The following DOCK3 variants were observed in gnomAD, a reference collection of about 807,000 sequenced individuals.
DOCK3 encodes the protein dedicator of cytokinesis 3.
Under a neutral mutation model 265.6 loss-of-function variants are expected in DOCK3, and 60 were observed. That is an observed-to-expected ratio of 0.23 (90% confidence interval 0.18 to 0.28). DOCK3 has a LOEUF of 0.28. Ranked by LOEUF, DOCK3 falls within the 10% of genes least tolerant of loss-of-function variation. The probability of loss-of-function intolerance (pLI) is 1.00; values close to 1 mark genes in which losing one functional copy is unlikely to be tolerated. For missense variants in DOCK3, 1,981 were observed against 2,594.3 expected (o/e 0.76, Z 5.14); for synonymous variants, 881 against 938.0 (o/e 0.94, Z 1.11).
chr3:51,272,944 C>T (rs185417702), intron 24 of DOCK3, among the ~76,000 whole-genome samples: 22 of 152,130 alleles, frequency 1.4e-4, no homozygotes, highest in African/African-American at 4.3e-4. Flanking sequence ...GTGTGTGGAT[C>T]ATGACATCAG....
intron 49 of DOCK3, among the ~76,000 whole-genome samples, chr3:51,365,261 G>T (rs1560511456): frequency 2.0e-5 from 3 of 152,184 alleles, no homozygotes; most frequent in Non-Finnish European, 4.4e-5. Context: ...GTGAATGGGA[G>T]TTCACTCCTG....
At chr3:51,125,762 A>C (rs1048386403) in intron 9 of DOCK3, among the ~76,000 whole-genome samples, 7 of 152,308 alleles carry the variant, frequency 4.6e-5, no homozygotes, top group African/African-American at 1.7e-4. Flanking sequence ...ACAGAGAAAA[A>C]CTTGTATAGT....
intron 1 of DOCK3, among the ~76,000 whole-genome samples, chr3:50,742,571 C>A (rs965030808): frequency 6.6e-6 from 1 of 151,804 alleles, no homozygotes; most frequent in African/African-American, 2.4e-5. Context: ...GGAGCCGATG[C>A]GATCAACTGG....
intron 5 of DOCK3, among the ~76,000 whole-genome samples, chr3:51,047,247 G>A (rs191345148): frequency 1.9e-5 from 2 of 104,712 alleles, no homozygotes; most frequent in Non-Finnish European, 4.1e-5. Flanking sequence ...CATCACACAG[G>A]GGCCTGTCAT....
intron 1 of DOCK3, among the ~76,000 whole-genome samples, chr3:50,725,168 GAAT>G (rs2037736619): frequency 6.6e-6 from 1 of 152,110 alleles, no homozygotes. Context: ...CAAGAAGAAT[GAAT>G]AATAACAACA....
At position 51,277,723 on chromosome 3, in the gene DOCK3, A is replaced by T. The variant is rs754586133; in HGVS notation, c.2792A>T (p.Gln931Leu). 1.9e-6 allele frequency: 3 copies of T among 1,612,130 alleles called. No homozygotes were observed. In the South Asian group the frequency reaches 3.3e-5, roughly 18 times the overall value. Residue 931 changes from glutamine to leucine, a missense_variant, in exon 26 of 53, where the codon CAG becomes CTG. By Grantham distance (113) the Gln-to-Leu change is moderately radical. This residue lies in a region of DOCK3 where 1,357 missense variants were observed against 1,866.8 expected (regional missense o/e 0.73). Coordinates refer to ENST00000266037, the MANE Select transcript of DOCK3 (RefSeq NM_004947.5). ...KSHAQEAVRG[Q>L]RCPQCTAEIT... is the part of the protein sequence containing the mutation. ...CACGCTCAGGAGGCGGTAAGAGGGC[A>T]GCGGTGCCCGCAGTGCACAGCCGAG...
chr3:51,134,822 C>A (rs1046697574), intron 9 of DOCK3, among the ~76,000 whole-genome samples: 3 of 152,172 alleles, frequency 2.0e-5, no homozygotes, highest in Admixed American at 6.5e-5. Context: ...AAAGCATGGG[C>A]TTTGAGTTCA....
At chr3:51,050,562 C>G (rs1468499729) in intron 5 of DOCK3, among the ~76,000 whole-genome samples, 1 of 152,060 alleles carries the variant, frequency 6.6e-6, no homozygotes, top group Non-Finnish European at 1.5e-5. Context: ...GGCAAGAAGT[C>G]CCATGATCTG....
intron 1 of DOCK3, among the ~76,000 whole-genome samples, chr3:50,731,552 T>C (rs2038210450): frequency 6.6e-6 from 1 of 152,170 alleles, no homozygotes; most frequent in Non-Finnish European, 1.5e-5. Flanking sequence ...AAAACAGCTC[T>C]TTAAAAAAGG....
chr3:51,302,078 A>G (rs150762630), intron 27 of DOCK3, among the ~76,000 whole-genome samples: 74 of 152,314 alleles, frequency 4.9e-4, no homozygotes, highest in African/African-American at 1.8e-3. Flanking sequence ...GTCTCTCTAT[A>G]GGTCTTTAAC....
chr3:50,989,623 AG>A (rs1352042094), intron 5 of DOCK3, among the ~76,000 whole-genome samples: 1 of 152,218 alleles, frequency 6.6e-6, no homozygotes, highest in Non-Finnish European at 1.5e-5. Flanking sequence ...ACCTCAGCCC[AG>A]TGAAAACATC....
At chr3:51,207,712 A>G (rs1230217742) in intron 12 of DOCK3, among the ~76,000 whole-genome samples, 2 of 152,134 alleles carry the variant, frequency 1.3e-5, no homozygotes, top group Non-Finnish European at 2.9e-5. Context: ...GGCACATTCT[A>G]TAACTCTTAC....
At chr3:51,213,011 C>A (rs529880566) in intron 13 of DOCK3, among the ~76,000 whole-genome samples, 10 of 152,150 alleles carry the variant, frequency 6.6e-5, no homozygotes, top group Admixed American at 1.3e-4. Flanking sequence ...ACTTTTCTTG[C>A]CAAATAAAAT....
rs577921513 is a variant in DOCK3, at chr3:51,140,857, G to A, written c.747-5692G>A. 3.9e-5 allele frequency among the ~76,000 whole-genome samples: 6 copies of A among 152,208 alleles called. No homozygotes were observed. The South Asian group carries it at 8.3e-4, about 21-fold the overall frequency. On this transcript the variant is annotated intron_variant, in intron 9 of 52. Transcript: ENST00000266037. The stretch of plus-strand genomic sequence containing the variant: ...CAATTCCCTGATTACTAATGATGCC[G>A]AACATCTTTTCATGTGTTTATTTGC...
intron 5 of DOCK3, among the ~76,000 whole-genome samples, chr3:51,023,209 T>C (rs2079668721): frequency 2.0e-5 from 3 of 152,162 alleles, no homozygotes; most frequent in Non-Finnish European, 4.4e-5. Flanking sequence ...GGCCATTTTA[T>C]ATAATCTCAT....
At chr3:51,060,186 T>TATA (rs1553748251) in intron 5 of DOCK3, among the ~76,000 whole-genome samples, 1 of 149,944 alleles carries the variant, frequency 6.7e-6, no homozygotes, top group Non-Finnish European at 1.5e-5. Flanking sequence ...CTATTGCATA[T>TATA]AAAAAAAAAG....
intron 1 of DOCK3, among the ~76,000 whole-genome samples, chr3:50,738,122 A>G (rs1436393055): frequency 2.0e-5 from 3 of 152,170 alleles, no homozygotes; most frequent in South Asian, 2.1e-4. Context: ...GCTTGATGAT[A>G]TAGTCGTTGG....
rs532300396 is a variant in DOCK3 at position 51,273,125 on chromosome 3, G to A, written c.2549-1954G>A. Among the ~76,000 whole-genome samples the A allele has an allele frequency of 5.4e-5, 8 of 148,048 alleles. No individual in the cohort carries two copies. The East Asian group carries it at 5.9e-4, about 11-fold the overall frequency. ...TGCAGTGAGCCGAGATCACGCCACC[G>A]CACTCCAGCCTGGGCGACAGAGTGA... is the stretch of plus-strand genomic sequence containing the variant. On this transcript the variant is annotated intron_variant, in intron 24 of 52. Coordinates refer to ENST00000266037, the MANE Select transcript of DOCK3 (RefSeq NM_004947.5).
chr3:50,991,544 T>A (rs563050892), intron 5 of DOCK3, among the ~76,000 whole-genome samples: 6 of 152,216 alleles, frequency 3.9e-5, no homozygotes, highest in Non-Finnish European at 7.3e-5. Flanking sequence ...CTTAATTATC[T>A]TAAATATATA....
Sources: gnomAD v4.1 joint callset for allele counts (sites outside exome capture counted in the v4.1 genomes callset) on GRCh38, gnomAD v4.1.1 for gene constraint, gnomAD v4.1.1 regional missense constraint, MANE v1.5 for transcripts, NCBI Gene and HGNC (gene_info 2026-07-23, HGNC 2026-07-21) for gene names.